MYH16: variants seen among roughly 807,000 people sequenced by gnomAD.
MYH16 encodes the protein putative uncharacterized protein MYH16.
chr7:99,275,096 C>T (rs1031305362), intron 20 of MYH16, among the ~76,000 whole-genome samples: 2 of 152,034 alleles, frequency 1.3e-5, no homozygotes, highest in Admixed American at 6.6e-5. Context: ...CGGGCTCAAG[C>T]GATCCTTCCA....
downstream of MYH16, among the ~76,000 whole-genome samples, chr7:99,309,693 T>G (rs1296170709): frequency 6.6e-6 from 1 of 152,216 alleles, no homozygotes; most frequent in African/African-American, 2.4e-5. Context: ...GGATTAGACA[T>G]CCTTTAAAGC....
intron 1 of MYH16, among the ~76,000 whole-genome samples, chr7:99,241,352 G>A (rs1791664869): frequency 6.6e-6 from 1 of 152,206 alleles, no homozygotes; most frequent in South Asian, 2.1e-4. Context: ...GGAGGCCAAG[G>A]AGGGTGGATC....
At chr7:99,285,967 GC>G (rs146288781) in intron 27 of MYH16, among the ~76,000 whole-genome samples, 2,455 of 152,342 alleles carry the variant, frequency 0.016, 71 homozygotes, top group African/African-American at 0.055. Context: ...ACTAATGCCC[GC>G]CCAGTGTGGG....
At chr7:99,285,263 C>T (rs1334748682) in intron 26 of MYH16, 119 bp from the exon 9 acceptor site, 3 of 415,468 alleles carry the variant, frequency 7.2e-6, no homozygotes, top group Non-Finnish European at 1.4e-5. Flanking sequence ...CTGCCTCTCT[C>T]TGCTTTTGAC....
Position 99,284,177 on chromosome 7 carries a change from G to C in MYH16, n.3225+159G>C, listed in dbSNP as rs116278824. On this transcript the variant is annotated intron_variant and non_coding_transcript_variant, in intron 25 of 41. Transcript: ENST00000439784. ...ATGGAGGATATGCAGAGAGGTAGGG[G>C]CTGCCCTGTCTGCAGGGAATGCCCA... is the stretch of plus-strand genomic sequence containing the variant. Among the ~76,000 whole-genome samples the C allele has an allele frequency of 8.1e-3, 1,240 of 152,290 alleles. 15 individuals carry two copies. The highest frequency in any genetic ancestry group is 0.028 in the African/African-American group (1,161 of 41,558).
At chr7:99,281,201 G>T (rs955834028) in intron 23 of MYH16, among the ~76,000 whole-genome samples, 3 of 152,146 alleles carry the variant, frequency 2.0e-5, no homozygotes, top group Non-Finnish European at 1.5e-5. Flanking sequence ...TATAAGTGGG[G>T]TGACAATATA....
chr7:99,296,145 AT>A (rs1183817288), intron 33 of MYH16, among the ~76,000 whole-genome samples: 2 of 145,318 alleles, frequency 1.4e-5, no homozygotes, highest in Admixed American at 6.8e-5. Context: ...CTCCATCTCA[AT>A]TTAAAAAAAA....
intron 26 of MYH16, 91 bp from the exon 9 acceptor site, chr7:99,285,291 C>A (rs1389201589): frequency 6.8e-6 from 3 of 443,782 alleles, no homozygotes; most frequent in Non-Finnish European, 9.0e-6. Flanking sequence ...GTCATATTCT[C>A]ACATCCCTAT....
At chr7:99,297,133 C>A (rs1426428110) in intron 34 of MYH16, among the ~76,000 whole-genome samples, 1 of 152,152 alleles carries the variant, frequency 6.6e-6, no homozygotes, top group Non-Finnish European at 1.5e-5. Flanking sequence ...CTTTCCTCAT[C>A]TATAAAATGA....
At chr7:99,293,592 G>A (rs1257655887) in intron 32 of MYH16, among the ~76,000 whole-genome samples, 1 of 152,084 alleles carries the variant, frequency 6.6e-6, no homozygotes, top group Non-Finnish European at 1.5e-5. Context: ...CCCCTTCTCA[G>A]AGAGTCTCTC....
At chr7:99,271,424 G>A (rs755538114) in intron 19 of MYH16, among the ~76,000 whole-genome samples, 11 of 152,246 alleles carry the variant, frequency 7.2e-5, no homozygotes, top group Admixed American at 1.3e-4. Flanking sequence ...CAGGAGAATC[G>A]CTTGAATCCG....
intron 33 of MYH16, 41 bp downstream of exon 14, chr7:99,294,191 CAG>C (rs1287722970): frequency 4.5e-6 from 2 of 442,348 alleles, no homozygotes; most frequent in Non-Finnish European, 9.1e-6. Flanking sequence ...TTTACCGGGG[CAG>C]AGAGCCCACA....
At chr7:99,240,678 C>T (rs1046507666) in intron 1 of MYH16, among the ~76,000 whole-genome samples, 13 of 151,960 alleles carry the variant, frequency 8.6e-5, no homozygotes, top group Admixed American at 2.6e-4. Context: ...TAACGAGGCC[C>T]CGTTTCTACA....
intron 9 of MYH16, among the ~76,000 whole-genome samples, chr7:99,256,603 G>A (rs1413754786): frequency 6.6e-6 from 1 of 152,138 alleles, no homozygotes; most frequent in African/African-American, 2.4e-5. Context: ...GTGAAACCCC[G>A]TCTGTACTAA....
At chr7:99,263,051 G>A (rs540898142) in intron 13 of MYH16, among the ~76,000 whole-genome samples, 138 of 152,288 alleles carry the variant, frequency 9.1e-4, no homozygotes, top group Non-Finnish European at 1.6e-3. Flanking sequence ...TAGCAGGGGA[G>A]TCTGGGTTTA....
chr7:99,264,524 C>T (rs1041346272), intron 15 of MYH16, among the ~76,000 whole-genome samples: 3 of 152,132 alleles, frequency 2.0e-5, no homozygotes, highest in South Asian at 4.1e-4. Flanking sequence ...ATTTGTGCAG[C>T]GTGATCACGC....
At chr7:99,282,920 A>G (rs543443659) in intron 23 of MYH16, among the ~76,000 whole-genome samples, 13 of 152,294 alleles carry the variant, frequency 8.5e-5, no homozygotes, top group Admixed American at 2.6e-4. Context: ...AAGAGTAGAA[A>G]TGGTTGTTTT....
chr7:99,292,619 C>A, intron 32 of MYH16, 111 bp downstream of exon 13: 1 of 390,348 alleles, frequency 2.6e-6, no homozygotes, highest in Non-Finnish European at 5.2e-6. Context: ...AGGAAAAGGA[C>A]GTTCACAGGC....
chr7:99,301,186 ACT>A (rs1307432922), intron 37 of MYH16, among the ~76,000 whole-genome samples: 1 of 110,392 alleles, frequency 9.1e-6, no homozygotes, highest in Admixed American at 1.1e-4. Flanking sequence ...ACAGAGCAAG[ACT>A]CTGTCTCAAA....
Sources: allele counts gnomAD v4.1 joint callset (sites outside exome capture counted in the v4.1 genomes callset), GRCh38; gene constraint gnomAD v4.1.1; transcripts MANE v1.5; gene names NCBI Gene and HGNC (gene_info 2026-07-23, HGNC 2026-07-21).